The following GCLC variants were observed in gnomAD, a reference collection of about 807,000 sequenced individuals.
The protein encoded by GCLC is glutamate-cysteine ligase catalytic subunit.
In GCLC, 30 loss-of-function variants were observed where a neutral mutation model predicts 81.5. The observed-to-expected ratio is 0.37, with a 90% CI of 0.28 to 0.50. The LOEUF (loss-of-function observed/expected upper bound fraction) is 0.50. GCLC is among the 20% of genes least tolerant of loss of function. GCLC has a pLI of 0.96. For missense variants in GCLC, 556 were observed against 777.4 expected, an observed-to-expected ratio of 0.72 and a Z score of 3.39; for synonymous variants, 262 against 273.3, an observed-to-expected ratio of 0.96 and a Z score of 0.41.
At chr6:53,505,780 T>A (rs1255725924) in intron 11 of GCLC, 23 bp downstream of exon 11, 1 of 1,371,864 alleles carries the variant, frequency 7.3e-7, no homozygotes, top group South Asian at 1.2e-5. Context: ...TTGAGTCAGT[T>A]CTTGCTGATG....
chr6:53,502,688 G>A (rs578093353), intron 12 of GCLC, among the ~76,000 whole-genome samples: 2 of 152,058 alleles, frequency 1.3e-5, no homozygotes, highest in African/African-American at 2.4e-5. Flanking sequence ...CTTGTTCTAC[G>A]TACATCTTAT....
chr6:53,502,655 T>C (rs1378918078), intron 12 of GCLC, among the ~76,000 whole-genome samples: 2 of 152,270 alleles, frequency 1.3e-5, no homozygotes, highest in Non-Finnish European at 2.9e-5. Context: ...AAGGTCACTA[T>C]GCAGCTCTTG....
At chr6:53,515,758 G>A (rs1288584560) in intron 4 of GCLC, among the ~76,000 whole-genome samples, 6 of 144,122 alleles carry the variant, frequency 4.2e-5, no homozygotes, top group African/African-American at 1.6e-4. Context: ...GGTTAGAGAG[G>A]ACAAAAAAGG....
Position 53,509,189 on chromosome 6 carries a change from A to G in GCLC, c.815T>C (p.Ile272Thr). The G allele has an allele frequency of 6.3e-7, 1 of 1,587,196 alleles. No homozygotes were observed. The highest frequency in any genetic ancestry group is 8.7e-7 in the Non-Finnish European group (1 of 1,155,444). Residue 272 changes from isoleucine to threonine, a missense_variant, in exon 7 of 16, where the codon ATC becomes ACC. Physicochemically the swap from Ile to Thr is moderately conservative, Grantham distance 89. This residue lies in a region of GCLC where 313 missense variants were observed against 437.3 expected (regional missense o/e 0.72). Transcript: ENST00000650454. ...ARYLYDQLAT[I>T]CPIVMALSAA... The stretch of plus-strand genomic sequence containing the variant: ...ATTTCTACTTACAACAATTGGACAG[A>G]TAGTAGCCAACTGATCATAAAGGTA...
chr6:53,521,527 AG>A (rs1762994909), intron 2 of GCLC, among the ~76,000 whole-genome samples: 2 of 152,172 alleles, frequency 1.3e-5, no homozygotes, highest in African/African-American at 4.8e-5. Flanking sequence ...TACTCTGCAG[AG>A]AAGGAGATGA....
Position 53,514,191 on chromosome 6 carries a change from T to C in GCLC, c.753+13A>G, listed in dbSNP as rs1402367124. The C allele has an allele frequency of 4.3e-6, 7 of 1,612,774 alleles. No homozygotes were observed. Among genetic ancestry groups the C allele is most frequent in the Non-Finnish European group, 5.9e-6 (7 of 1,178,740 alleles). ...ATGGAACACTTTGCCTCTCTGTATA[T>C]TTGAAACTATACCTGGAGACAGCAA... On this transcript the variant is annotated intron_variant, in intron 6 of 15. Coordinates refer to ENST00000650454, the MANE Select transcript of GCLC (RefSeq NM_001498.4).
chr6:53,527,749 C>CATTT (rs1763107503), intron 1 of GCLC, among the ~76,000 whole-genome samples: 1 of 152,198 alleles, frequency 6.6e-6, no homozygotes, highest in South Asian at 2.1e-4. Flanking sequence ...GAGGAAGTGC[C>CATTT]ATTTAAATTT....
chr6:53,506,040 T>G lies in GCLC; in HGVS notation c.1198-145A>C, dbSNP rs1272764976. 2.9e-6 allele frequency: 2 copies of G among 681,192 alleles called. No individual in the cohort carries two copies. Among genetic ancestry groups the G allele is most frequent in the African/African-American group, 3.6e-5 (2 of 56,264 alleles). The allele number at this position is 681,192 out of a possible 1,614,324, so 42.2% of individuals were successfully genotyped here. On this transcript the variant is annotated intron_variant, in intron 10 of 15. Transcript: ENST00000650454. The surrounding 1 kb of genome is among the most constrained non-coding windows in gnomAD (Gnocchi z 4.0). Reference sequence around the variant, plus strand: ...AAAGACAAAAAGGTACAATTGAAGATTTTCTTCGAGTGTGCTCTTTTAGGA... The same window carrying G: ...AAAGACAAAAAGGTACAATTGAAGAGTTTCTTCGAGTGTGCTCTTTTAGGA...
At chr6:53,536,726 T>C (rs1194365455) in intron 1 of GCLC, among the ~76,000 whole-genome samples, 2 of 152,218 alleles carry the variant, frequency 1.3e-5, no homozygotes, top group African/African-American at 2.4e-5. Context: ...TACTGAATGT[T>C]ACTCAGGTTT....
At chr6:53,510,371 G>T (rs1764713436) in intron 6 of GCLC, 1 of 151,880 alleles carries the variant, frequency 6.6e-6, no homozygotes, top group Non-Finnish European at 1.5e-5. Flanking sequence ...AGGATGGTAG[G>T]TAGGACACTT....
chr6:53,542,647 T>C (rs562636586), intron 1 of GCLC, among the ~76,000 whole-genome samples: 3 of 152,256 alleles, frequency 2.0e-5, no homozygotes, highest in African/African-American at 7.2e-5. Flanking sequence ...TTCCTGTTGA[T>C]GTAGTTCTAC....
intron 3 of GCLC, among the ~76,000 whole-genome samples, chr6:53,516,812 A>G (rs1289622761): frequency 2.0e-5 from 3 of 152,110 alleles, no homozygotes; most frequent in Non-Finnish European, 4.4e-5. Flanking sequence ...CTGAAACCCA[A>G]TCCTATTCTC....
At chr6:53,521,059 G>A in intron 2 of GCLC, 99 bp from the exon 3 acceptor site, 1 of 918,734 alleles carries the variant, frequency 1.1e-6, no homozygotes, top group Non-Finnish European at 1.8e-6. Flanking sequence ...GAAACCATTA[G>A]GTATAAATGA....
At chr6:53,541,618 G>C (rs1763357292) in intron 1 of GCLC, among the ~76,000 whole-genome samples, 1 of 152,076 alleles carries the variant, frequency 6.6e-6, no homozygotes, top group South Asian at 2.1e-4. Context: ...GGGTGGGGGG[G>C]CGGTGGGGGA....
At position 53,544,620 on chromosome 6, in the gene GCLC, G is replaced by A; in HGVS notation, c.26C>T (p.Pro9Leu). The A allele has an allele frequency of 6.2e-7, 1 of 1,601,004 alleles. No homozygotes were observed. The highest frequency in any genetic ancestry group is 8.5e-7 in the Non-Finnish European group (1 of 1,179,386). Residue 9 changes from proline to leucine, a missense_variant, in exon 1 of 16, where the codon CCG becomes CTG. By Grantham distance (98) the Pro-to-Leu change is moderately conservative (BLOSUM62 -3). Around this residue, in one of 3 missense-constraint regions of GCLC, gnomAD observed 234 missense variants for 303.8 expected, o/e 0.77. Transcript: ENST00000650454. ...GCGCTTGGTTTCCTCCCAGCTCAGC[G>A]GCGAGCCCTGGGACAGCAGCCCCAT... MGLLSQGS[P>L]LSWEETKRHA...
chr6:53,528,403 T>C (rs1003221360), intron 1 of GCLC, among the ~76,000 whole-genome samples: 2 of 152,206 alleles, frequency 1.3e-5, no homozygotes, highest in Non-Finnish European at 2.9e-5. Context: ...TGTGCTTTTG[T>C]GTACATGACA....
In GCLC at chr6:53,512,617, A is replaced by AT. The variant is rs1055522781; in HGVS notation, c.753+1586dup. Among the ~76,000 whole-genome samples, 13 of 152,126 alleles carry AT rather than the reference A, an allele frequency of 8.5e-5. No individual in the cohort carries two copies. In the East Asian group the frequency reaches 1.9e-3, roughly 23 times the overall value. ...GCCACACACTTTATCTGAGCTAACG[A>AT]TTTTTTTTAAGTGGAGTAGTGAAAC... On this transcript the variant is annotated intron_variant, in intron 6 of 15. Coordinates refer to ENST00000650454, the MANE Select transcript of GCLC (RefSeq NM_001498.4).
chr6:53,519,118 G>A (rs1940025131), intron 3 of GCLC, among the ~76,000 whole-genome samples: 1 of 152,192 alleles, frequency 6.6e-6, no homozygotes, highest in South Asian at 2.1e-4. Context: ...AAGCAAAAAG[G>A]GGATGCCATC....
At position 53,506,899 on chromosome 6, in the gene GCLC, A is replaced by G; in HGVS notation, c.1197+14T>C. 7.7e-7 allele frequency: 1 copy of G among 1,297,342 alleles called. No individual in the cohort carries two copies. Among genetic ancestry groups the G allele is most frequent in the Non-Finnish European group, 1.1e-6 (1 of 891,324 alleles). 80.4% of individuals were successfully genotyped at this position (1,297,342 alleles called of 1,614,324 possible). On this transcript the variant is annotated intron_variant, in intron 10 of 15. Coordinates refer to ENST00000650454, the MANE Select transcript of GCLC (RefSeq NM_001498.4). The surrounding 1 kb of genome is among the most constrained non-coding windows in gnomAD (Gnocchi z 4.0). ...TCAATACATAAATAAATAAAAATAA[A>G]ACTGAGAAGATACCTCAAAATGGTC...
Sources: gnomAD v4.1 joint callset for allele counts (sites outside exome capture counted in the v4.1 genomes callset) on GRCh38, gnomAD v4.1.1 for gene constraint, gnomAD v4.1.1 regional missense constraint, Gnocchi (gnomAD v3.1) non-coding constraint, MANE v1.5 for transcripts, NCBI Gene and HGNC (gene_info 2026-07-23, HGNC 2026-07-21) for gene names.